CCDC93: variants seen among roughly 807,000 people sequenced by gnomAD.
The protein encoded by CCDC93 is CCC complex scaffolding subunit CCDC93.
Under a neutral mutation model 108.2 loss-of-function variants are expected in CCDC93, and 61 were observed. The observed-to-expected ratio is 0.56, with a 90% CI of 0.46 to 0.70. The LOEUF (loss-of-function observed/expected upper bound fraction) is 0.70. Ranked by LOEUF, CCDC93 falls within the 30% of genes least tolerant of loss-of-function variation. The pLI, the probability that CCDC93 is intolerant of heterozygous loss-of-function variation, is 0.00. For synonymous variants in CCDC93, 276 were observed against 260.4 expected (o/e 1.06, Z -0.58); for missense variants, 685 against 764.2 (o/e 0.90, Z 1.22).
intron 12 of CCDC93, among the ~76,000 whole-genome samples, chr2:117,956,944 G>A (rs1388456297): frequency 6.7e-6 from 1 of 150,352 alleles, no homozygotes; most frequent in Admixed American, 6.6e-5. Context: ...AGGCTAGAGT[G>A]CAACAGCATG....
chr2:117,945,539 A>G lies in CCDC93; in HGVS notation c.1340T>C (p.Met447Thr). 6.2e-7 allele frequency: 1 copy of G among 1,613,958 alleles called. No homozygotes were observed. ...CAGGCAGGTACTTACGTCATGAGTCATTGCAGAGGTCAAGGTACCAGGCGG... is the reference window on the plus strand; with the variant it reads ...CAGGCAGGTACTTACGTCATGAGTCGTTGCAGAGGTCAAGGTACCAGGCGG... ...GEPPGTLTSA[M>T]THDEDLDRRY... The change falls in exon 17 of 24, where the codon ATG (methionine) becomes ACG (threonine). Residue 447 changes from methionine (M) to threonine (T), a missense_variant. By Grantham distance (81) the Met-to-Thr change is moderately conservative. Transcript: ENST00000376300.
rs559137014 is a variant in CCDC93, at chr2:117,980,838, T to C, written c.621-2808A>G. Among the ~76,000 whole-genome samples, 395 of 152,352 alleles carry C rather than the reference T, an allele frequency of 2.6e-3. 2 individuals are homozygous for C. The highest frequency in any genetic ancestry group is 0.02 in the Middle Eastern group (6 of 294). ...CCTCAAAAAGAAACTCTGTTACTAT[T>C]AGCAGTTAATCACAATTCTTCCCTC... On this transcript the variant is annotated intron_variant, in intron 7 of 23. Coordinates refer to ENST00000376300, the MANE Select transcript of CCDC93 (RefSeq NM_019044.5).
intron 3 of CCDC93, among the ~76,000 whole-genome samples, chr2:118,005,935 A>G (rs1177843724): frequency 1.3e-5 from 2 of 152,194 alleles, no homozygotes; most frequent in Non-Finnish European, 2.9e-5. Flanking sequence ...GCTGCCAGAA[A>G]CACAGGGGCA....
intron 23 of CCDC93, 41 bp from the exon 24 acceptor site, chr2:117,920,437 A>G (rs759473163): frequency 1.4e-6 from 2 of 1,436,578 alleles, no homozygotes; most frequent in Non-Finnish European, 2.0e-6. Flanking sequence ...TGGTGACTAC[A>G]TTAGCACCCA....
At chr2:117,942,784 T>C (rs1223488790) in intron 18 of CCDC93, among the ~76,000 whole-genome samples, 2 of 152,196 alleles carry the variant, frequency 1.3e-5, no homozygotes, top group Admixed American at 1.3e-4. Context: ...CATACTATTC[T>C]GGGAGTCAGA....
intron 2 of CCDC93, among the ~76,000 whole-genome samples, chr2:118,007,527 G>C (rs1676910216): frequency 6.6e-6 from 1 of 152,142 alleles, no homozygotes; most frequent in African/African-American, 2.4e-5. Context: ...AAATTAGTCG[G>C]GCATGGTGGC....
chr2:118,001,679 GTTT>G (rs1676693265), intron 3 of CCDC93, among the ~76,000 whole-genome samples: 1 of 151,892 alleles, frequency 6.6e-6, no homozygotes, highest in Non-Finnish European at 1.5e-5. Context: ...AGGCCTCAGA[GTTT>G]TCTTCTCTGT....
At chr2:118,009,693 A>G (rs1676972386) in intron 1 of CCDC93, among the ~76,000 whole-genome samples, 3 of 152,088 alleles carry the variant, frequency 2.0e-5, no homozygotes, top group Admixed American at 1.3e-4. Flanking sequence ...CAAACAAAAA[A>G]AGTTATACTC....
At chr2:117,985,658 CT>C (rs572891453) in intron 7 of CCDC93, among the ~76,000 whole-genome samples, 10 of 152,012 alleles carry the variant, frequency 6.6e-5, no homozygotes, top group Non-Finnish European at 1.3e-4. Flanking sequence ...ATCACTGAAA[CT>C]GTTTTCATTT....
chr2:117,941,474 C>T lies in CCDC93; in HGVS notation c.1414-177G>A, dbSNP rs192532030. Among the ~76,000 whole-genome samples, 232 of 152,134 alleles carry T rather than the reference C, an allele frequency of 1.5e-3. 1 individual carries two copies. Among genetic ancestry groups the T allele is most frequent in the African/African-American group, 5.1e-3 (213 of 41,504 alleles). On this transcript the variant is annotated intron_variant, in intron 18 of 23. Coordinates refer to ENST00000376300, the MANE Select transcript of CCDC93 (RefSeq NM_019044.5). ...CATCTCAGATTTGGATTGACTTTCCCGCTTTCCTAGGAGTGGGAGGTGGTG... is the reference window on the plus strand; with the variant it reads ...CATCTCAGATTTGGATTGACTTTCCTGCTTTCCTAGGAGTGGGAGGTGGTG...
chr2:117,990,235 T>A (rs1680436685), intron 6 of CCDC93, among the ~76,000 whole-genome samples: 1 of 152,170 alleles, frequency 6.6e-6, no homozygotes, highest in South Asian at 2.1e-4. Context: ...AGGAGCTGAT[T>A]ATGATTATGA....
intron 11 of CCDC93, among the ~76,000 whole-genome samples, chr2:117,960,256 C>T (rs1378972088): frequency 9.9e-5 from 15 of 152,176 alleles, no homozygotes; most frequent in Admixed American, 9.8e-4. Context: ...ATTTCCCATA[C>T]AGTATGTCTC....
intron 1 of CCDC93, among the ~76,000 whole-genome samples, chr2:118,009,665 C>CT (rs1676971730): frequency 6.6e-6 from 1 of 152,148 alleles, no homozygotes; most frequent in Non-Finnish European, 1.5e-5. Context: ...GAGCAAGACT[C>CT]TATCTCTAAA....
In CCDC93 at chr2:117,918,123, C is replaced by T. The variant is rs1377211634; in HGVS notation, c.*2220G>A. ...GGTGGCTTCTGAAATGATCAGGGGC[C>T]TTGGGGCATCTCCTTACCCTATACG... On this transcript the variant is annotated 3_prime_UTR_variant, in exon 24 of 24. Transcript: ENST00000376300. The T allele has an allele frequency of 6.6e-6, 1 of 152,096 alleles. No individual in the cohort carries two copies. Among genetic ancestry groups the T allele is most frequent in the Non-Finnish European group, 1.5e-5 (1 of 68,040 alleles). The allele number at this position is 152,096 out of a possible 1,614,324, so 9.4% of individuals were successfully genotyped here.
At chr2:117,940,371 C>T (rs1196105105) in intron 19 of CCDC93, among the ~76,000 whole-genome samples, 1 of 152,070 alleles carries the variant, frequency 6.6e-6, no homozygotes, top group Non-Finnish European at 1.5e-5. Flanking sequence ...GATCCAGGCA[C>T]CAGGAACAGG....
intron 6 of CCDC93, 95 bp from the exon 7 acceptor site, chr2:117,986,164 T>A: frequency 1.9e-6 from 1 of 523,550 alleles, no homozygotes; most frequent in Non-Finnish European, 3.4e-6. Flanking sequence ...TATTCTCTTT[T>A]TTTTTTTTTT....
chr2:117,995,291 A>G (rs1195916877), intron 6 of CCDC93, 155 bp downstream of exon 6: 6 of 681,978 alleles, frequency 8.8e-6, no homozygotes, highest in Non-Finnish European at 1.6e-5. Context: ...CCTGAGCAGT[A>G]AAGCAGGCGG....
At chr2:117,936,807 TG>T (rs1379394022) in intron 20 of CCDC93, 68 bp from the exon 21 acceptor site, 7 of 1,218,206 alleles carry the variant, frequency 5.7e-6, no homozygotes, top group Non-Finnish European at 8.5e-6. Context: ...CTGCAACTGC[TG>T]CAAGCTTGCC....
At chr2:117,982,231 A>G (rs902371239) in intron 7 of CCDC93, among the ~76,000 whole-genome samples, 1 of 151,916 alleles carries the variant, frequency 6.6e-6, no homozygotes, top group Non-Finnish European at 1.5e-5. Context: ...TGTGCTCCAA[A>G]CCTCCTCTTG....
Sources: allele counts gnomAD v4.1 joint callset (sites outside exome capture counted in the v4.1 genomes callset), GRCh38; gene constraint gnomAD v4.1.1; transcripts MANE v1.5; gene names NCBI Gene and HGNC (gene_info 2026-07-23, HGNC 2026-07-21).